The following INVS variants were observed in gnomAD, a reference collection of about 807,000 sequenced individuals.
The protein encoded by INVS is inversin, also known as inversion of embryo turning homolog.
A neutral mutation model predicts 108.8 loss-of-function variants in INVS; 86 were observed. That is an observed-to-expected ratio of 0.79 (90% CI 0.66 to 0.95). The LOEUF (loss-of-function observed/expected upper bound fraction) is 0.95. Among genes scored for constraint, INVS ranks in the 40% least tolerant of loss-of-function variants. The probability of loss-of-function intolerance (pLI) is 0.00; values close to 1 mark genes in which losing one functional copy is unlikely to be tolerated. For synonymous variants in INVS, 455 were observed against 473.5 expected (o/e 0.96, Z 0.51); for missense variants, 1,169 against 1,297.4 (o/e 0.90, Z 1.52).
At chr9:100,232,854 T>C (rs550139855) in intron 5 of INVS, among the ~76,000 whole-genome samples, 22 of 152,278 alleles carry the variant, frequency 1.4e-4, no homozygotes, top group African/African-American at 4.8e-4. Flanking sequence ...TTTTGTTCCA[T>C]AGGAAATTTA....
In INVS at chr9:100,252,350, A is replaced by G; in HGVS notation, c.1146A>G (p.Gln382=). 6.2e-7 allele frequency: 1 copy of G among 1,614,064 alleles called. No homozygotes were observed. Among genetic ancestry groups the G allele is most frequent in the South Asian group, 1.1e-5 (1 of 91,082 alleles). Residue 382 remains glutamine (Q), a synonymous_variant, in exon 9 of 17, where the codon CAA becomes CAG. Coordinates refer to ENST00000262457, the MANE Select transcript of INVS (RefSeq NM_014425.5). Reference sequence around the variant, plus strand: ...AGTTATTACTGGAAAATAATGCTCAAGTAGATGCTACTGATGTTATGAAAC... The same window carrying G: ...AGTTATTACTGGAAAATAATGCTCAGGTAGATGCTACTGATGTTATGAAAC... ...TVKLLLENNA[Q]VDATDVMKHT... is the part of the protein sequence containing the mutation.
intron 3 of INVS, among the ~76,000 whole-genome samples, chr9:100,209,383 G>A (rs1830766153): frequency 1.3e-5 from 2 of 152,062 alleles, no homozygotes. Flanking sequence ...TTTTCATGTG[G>A]GAGGAAACAG....
intron 3 of INVS, among the ~76,000 whole-genome samples, chr9:100,128,936 G>T (rs1213595510): frequency 6.6e-6 from 1 of 152,144 alleles, no homozygotes; most frequent in Non-Finnish European, 1.5e-5. Context: ...TGTAATTTTA[G>T]CACTTTAGAA....
chr9:100,113,913 T>C (rs1827424884), intron 2 of INVS, among the ~76,000 whole-genome samples: 1 of 152,206 alleles, frequency 6.6e-6, no homozygotes, highest in African/African-American at 2.4e-5. Context: ...CTTCCTCCAT[T>C]AGCACAGTTC....
rs143879075 is a variant in INVS at position 100,272,743 on chromosome 9, G to A, written c.1572-121G>A. 1.9e-4 allele frequency: 180 copies of A among 937,964 alleles called. No individual in the cohort carries two copies. In the East Asian group the frequency reaches 4.6e-3, roughly 24 times the overall value. The allele number at this position is 937,964 out of a possible 1,614,324, so 58.1% of individuals were successfully genotyped here. A position where few individuals can be genotyped will look rare whatever the true frequency, so the allele number is the denominator to read the frequency against. On this transcript the variant is annotated intron_variant, in intron 11 of 16. Coordinates refer to ENST00000262457, the MANE Select transcript of INVS (RefSeq NM_014425.5). ...TGTTATAGAGAAGGTGGCTTTGCCT[G>A]GGGAATATTCCACATCTTAGAATGA...
At chr9:100,129,699 C>G (rs200369280) in intron 3 of INVS, 7 of 714,448 alleles carry the variant, frequency 9.8e-6, no homozygotes, top group Middle Eastern at 2.3e-4. Flanking sequence ...TCAGCACAGG[C>G]AGGATCTAAG....
intron 12 of INVS, among the ~76,000 whole-genome samples, chr9:100,277,671 G>A (rs921211040): frequency 4.6e-5 from 7 of 152,004 alleles, no homozygotes; most frequent in East Asian, 1.9e-4. Context: ...GATCTCTAAC[G>A]TCCCTCCCAG....
chr9:100,171,155 G>C (rs899308824), intron 3 of INVS, among the ~76,000 whole-genome samples: 1 of 152,134 alleles, frequency 6.6e-6, no homozygotes, highest in Non-Finnish European at 1.5e-5. Flanking sequence ...ATGACATTTT[G>C]TTTAACTTCA....
rs1212922520 is a variant in INVS at position 100,301,153 on chromosome 9, A to T, written c.*479A>T. Among the ~76,000 whole-genome samples the T allele has an allele frequency of 9.4e-6, 1 of 105,990 alleles. No individual in the cohort carries two copies. Among genetic ancestry groups the T allele is most frequent in the Non-Finnish European group, 1.7e-5 (1 of 58,634 alleles). The allele number at this position is 105,990 out of a possible 152,430, so 69.5% of individuals were successfully genotyped here. On this transcript the variant is annotated 3_prime_UTR_variant, in exon 17 of 17. Coordinates refer to ENST00000262457, the MANE Select transcript of INVS (RefSeq NM_014425.5). ...CAACAAACTTATCACACACACACACACACACACACACACACACACACACAC... is the reference window on the plus strand; with the variant it reads ...CAACAAACTTATCACACACACACACTCACACACACACACACACACACACAC...
At position 100,148,142 on chromosome 9, in the gene INVS, C is replaced by A. The variant is rs1436364889; in HGVS notation, c.273+21593C>A. ...TGAGCTATGATTGTGCCACTACCCT[C>A]TAGCCTGGACAACAGAGTGAGACCG... On this transcript the variant is annotated intron_variant, in intron 3 of 16. Coordinates refer to ENST00000262457, the MANE Select transcript of INVS (RefSeq NM_014425.5). 2.6e-5 allele frequency among the ~76,000 whole-genome samples: 4 copies of A among 151,944 alleles called. No homozygotes were observed. The East Asian group carries it at 7.7e-4, about 29-fold the overall frequency.
intron 10 of INVS, among the ~76,000 whole-genome samples, chr9:100,257,725 G>C (rs1832467793): frequency 6.6e-6 from 1 of 152,192 alleles, no homozygotes; most frequent in Non-Finnish European, 1.5e-5. Flanking sequence ...TAAGAATGTT[G>C]AATATCGGCC....
Position 100,239,952 on chromosome 9 carries a change from G to A in INVS, c.616-108G>A, listed in dbSNP as rs1056248869. ...CCACTGTACTCCAACCTGGGTGACA[G>A]AACAAGACCCTGTCTCTAAAAAAGA... On this transcript the variant is annotated intron_variant, in intron 5 of 16. Transcript: ENST00000262457. 14 of 1,028,000 alleles carry A rather than the reference G, an allele frequency of 1.4e-5. No homozygotes were observed. The African/African-American group carries it at 1.7e-4, about 13-fold the overall frequency. 63.7% of individuals were successfully genotyped at this position (1,028,000 alleles called of 1,614,324 possible). A position where few individuals can be genotyped will look rare whatever the true frequency, so the allele number is the denominator to read the frequency against.
chr9:100,300,651 C>T lies in INVS; in HGVS notation c.3175C>T (p.Pro1059Ser). ...FSYNLQSATQ[P>S]KNKTKP ...TTATAACCTGCAATCAGCTACTCAG[C>T]CAAAAAACAAAACAAAACCTTGACT... The change falls in exon 17 of 17, where the codon CCA becomes TCA. Residue 1059 changes from proline to serine, a missense_variant. By Grantham distance (74) the Pro-to-Ser change is moderately conservative (BLOSUM62 -1). This residue lies in a region of INVS where 533 missense variants were observed against 536.0 expected (regional missense o/e 0.99). Transcript: ENST00000262457. 6.2e-7 allele frequency: 1 copy of T among 1,613,260 alleles called. No homozygotes were observed. Among genetic ancestry groups the T allele is most frequent in the Non-Finnish European group, 8.5e-7 (1 of 1,179,402 alleles).
intron 3 of INVS, among the ~76,000 whole-genome samples, chr9:100,180,796 T>A (rs969253625): frequency 1.3e-5 from 2 of 152,154 alleles, no homozygotes; most frequent in African/African-American, 4.8e-5. Flanking sequence ...AGCATCATCC[T>A]GACACCAAAA....
intron 1 of INVS, chr9:100,101,540 C>G (rs1180115503): frequency 6.6e-6 from 1 of 152,128 alleles, no homozygotes; most frequent in African/African-American, 2.4e-5. Flanking sequence ...TCTGCCAGTC[C>G]TTAACTCAAA....
chr9:100,218,985 A>G (rs73491437), intron 3 of INVS, among the ~76,000 whole-genome samples: 29,547 of 152,166 alleles, frequency 0.19, 4,575 homozygotes, highest in African/African-American at 0.44. Flanking sequence ...CAAATGAAAA[A>G]CAAAAATGAA....
intron 3 of INVS, among the ~76,000 whole-genome samples, chr9:100,181,164 C>G (rs755268893): frequency 3.3e-5 from 5 of 152,150 alleles, no homozygotes; most frequent in African/African-American, 4.8e-5. Context: ...AAACCCACAG[C>G]CAATGTCATA....
At chr9:100,120,047 T>G (rs1320795564) in intron 2 of INVS, among the ~76,000 whole-genome samples, 4 of 152,246 alleles carry the variant, frequency 2.6e-5, no homozygotes, top group Admixed American at 6.5e-5. Flanking sequence ...CTTTTCATTC[T>G]TTCCCCACAA....
Position 100,301,077 on chromosome 9 carries a change from G to A in INVS, c.*403G>A, listed in dbSNP as rs1833951573. ...CAAGAGATGAACCTAAATGAGATAG[G>A]AAGCCTGTCCCATAGCAGCCTTCCT... is the stretch of plus-strand genomic sequence containing the variant. On this transcript the variant is annotated 3_prime_UTR_variant, in exon 17 of 17. Transcript: ENST00000262457. 3 of 257,126 alleles carry A rather than the reference G, an allele frequency of 1.2e-5. No homozygotes were observed. In the South Asian group the frequency reaches 1.5e-4, roughly 12 times the overall value. 15.9% of individuals were successfully genotyped at this position (257,126 alleles called of 1,614,324 possible). A position where few individuals can be genotyped will look rare whatever the true frequency, so the allele number is the denominator to read the frequency against.
Sources: gnomAD v4.1 joint callset for allele counts (sites outside exome capture counted in the v4.1 genomes callset) on GRCh38, gnomAD v4.1.1 for gene constraint, gnomAD v4.1.1 regional missense constraint, MANE v1.5 for transcripts, NCBI Gene and HGNC (gene_info 2026-07-23, HGNC 2026-07-21) for gene names.